The following GRK4 variants were observed in gnomAD, a reference collection of about 807,000 sequenced individuals.
The protein encoded by GRK4 is G protein-coupled receptor kinase 2-like.
A neutral mutation model predicts 77.9 loss-of-function variants in GRK4; 73 were observed. That is an observed-to-expected ratio of 0.94 (90% CI 0.78 to 1.14). The LOEUF (loss-of-function observed/expected upper bound fraction) is 1.14, where lower values mean the gene tolerates loss of function less well. Among genes scored for constraint, GRK4 ranks in the 50% most tolerant of loss-of-function variants. GRK4 has a pLI of 0.00. For missense variants in GRK4, 729 were observed against 700.2 expected (o/e 1.04, Z -0.46); for synonymous variants, 257 against 254.4 (o/e 1.01, Z -0.10).
intron 4 of GRK4, among the ~76,000 whole-genome samples, chr4:3,000,217 T>G (rs1170126747): frequency 1.3e-5 from 2 of 152,208 alleles, no homozygotes; most frequent in Admixed American, 6.5e-5. Context: ...CTTGCCATAC[T>G]TCAGGTCACC....
chr4:2,999,659 G>C (rs2109771005), intron 4 of GRK4, among the ~76,000 whole-genome samples: 1 of 152,124 alleles, frequency 6.6e-6, no homozygotes, highest in East Asian at 1.9e-4. Context: ...CTAAATATAA[G>C]AGCTAAAACT....
chr4:2,971,398 A>G (rs531533645), intron 1 of GRK4, among the ~76,000 whole-genome samples: 1 of 152,178 alleles, frequency 6.6e-6, no homozygotes, highest in East Asian at 1.9e-4. Flanking sequence ...TCAGCACCTC[A>G]TGAAGCCCTT....
intron 1 of GRK4, among the ~76,000 whole-genome samples, chr4:2,967,499 C>T (rs1718072083): frequency 6.6e-6 from 1 of 152,146 alleles, no homozygotes; most frequent in African/African-American, 2.4e-5. Flanking sequence ...CGCCTGGGTT[C>T]AAGTGATTCT....
In GRK4 at chr4:2,999,916, C is replaced by T. The variant is rs141477953; in HGVS notation, c.340-4315C>T. ...TCTAGTATCCAGAATATATAAATAA[C>T]TCTTACAATGCAACAATAAAAAGAT... is the stretch of plus-strand genomic sequence containing the variant. On this transcript the variant is annotated intron_variant, in intron 4 of 15. Transcript: ENST00000398052. 2.1e-3 allele frequency among the ~76,000 whole-genome samples: 314 copies of T among 152,190 alleles called. 10 individuals are homozygous for T. In the East Asian group the frequency reaches 0.057, roughly 27 times the overall value.
intron 10 of GRK4, 130 bp downstream of exon 10, chr4:3,022,581 G>A: frequency 3.8e-6 from 3 of 785,490 alleles, no homozygotes; most frequent in Non-Finnish European, 6.2e-6. Context: ...GAAAAACTCT[G>A]TGGTATGTGT....
intron 12 of GRK4, among the ~76,000 whole-genome samples, chr4:3,030,575 C>T (rs866362979): frequency 2.6e-5 from 4 of 152,100 alleles, no homozygotes; most frequent in Non-Finnish European, 4.4e-5. Flanking sequence ...AATGCATAGA[C>T]GTGTGGGCTG....
At chr4:2,965,433 A>C in intron 1 of GRK4, 1 of 703,086 alleles carries the variant, frequency 1.4e-6, no homozygotes, top group Non-Finnish European at 2.6e-6. Flanking sequence ...CGTCACTCTT[A>C]CGGAATTGCT....
At chr4:2,986,002 A>G (rs1265772756) in intron 2 of GRK4, among the ~76,000 whole-genome samples, 1 of 151,596 alleles carries the variant, frequency 6.6e-6, no homozygotes, top group South Asian at 2.1e-4. Context: ...AAAAAAAAAA[A>G]AAGAAGTCAG....
chr4:2,988,352 T>C (rs1440537097), intron 2 of GRK4, among the ~76,000 whole-genome samples: 3 of 152,200 alleles, frequency 2.0e-5, no homozygotes, highest in Admixed American at 6.6e-5. Flanking sequence ...TATGGGTCAT[T>C]TGTAAACTTT....
intron 13 of GRK4, 142 bp downstream of exon 13, chr4:3,035,665 C>G (rs1446040177): frequency 2.2e-6 from 2 of 898,200 alleles, no homozygotes; most frequent in East Asian, 5.3e-5. Context: ...CTCAAGTGGT[C>G]CTCCACCTTG....
chr4:2,983,334 G>C (rs1723366699), intron 1 of GRK4, among the ~76,000 whole-genome samples: 1 of 152,152 alleles, frequency 6.6e-6, no homozygotes, highest in Non-Finnish European at 1.5e-5. Flanking sequence ...TAGTCACCCA[G>C]CCTAAGCCAT....
chr4:2,991,472 A>G (rs1726150587), intron 3 of GRK4, among the ~76,000 whole-genome samples: 1 of 152,138 alleles, frequency 6.6e-6, no homozygotes, highest in Non-Finnish European at 1.5e-5. Context: ...TCTTCCATTA[A>G]TTGCATGCCA....
At chr4:3,008,664 C>T (rs558351537) in intron 6 of GRK4, among the ~76,000 whole-genome samples, 6 of 152,006 alleles carry the variant, frequency 3.9e-5, no homozygotes, top group African/African-American at 9.6e-5. Context: ...TAGCCAGGCA[C>T]GGTGGCATGC....
In GRK4 at chr4:3,019,821, A is replaced by C. The variant is rs1184503494; in HGVS notation, c.922A>C (p.Ile308Leu). 4 of 1,613,812 alleles carry C rather than the reference A, an allele frequency of 2.5e-6. No homozygotes were observed. The highest frequency in any genetic ancestry group is 1.7e-5 in the Admixed American group (1 of 59,994). The change falls in exon 9 of 16, where the codon ATT becomes CTT. Residue 308 changes from isoleucine to leucine, a missense_variant. Ile to Leu is a conservative substitution (Grantham distance 5). Transcript: ENST00000398052. ...CTTGGAAGATTTACAGAGGGAAAGAATTGTATACAGGTAAGAACGGTGCTA... is the reference window on the plus strand; with the variant it reads ...CTTGGAAGATTTACAGAGGGAAAGACTTGTATACAGGTAAGAACGGTGCTA... ...CGLEDLQRER[I>L]VYRDLKPENI...
chr4:2,976,699 G>A (rs977980463), intron 1 of GRK4, among the ~76,000 whole-genome samples: 1 of 144,610 alleles, frequency 6.9e-6, no homozygotes, highest in Non-Finnish European at 1.5e-5. Context: ...GGAGTGCAAC[G>A]GCATGATCCC....
intron 1 of GRK4, among the ~76,000 whole-genome samples, chr4:2,981,251 G>C (rs111361056): frequency 2.6e-5 from 4 of 152,222 alleles, no homozygotes; most frequent in African/African-American, 7.2e-5. Flanking sequence ...TGGTGAGTTG[G>C]GGGGTGTGCT....
chr4:3,014,819 A>G (rs978871999), intron 8 of GRK4, among the ~76,000 whole-genome samples: 71 of 151,636 alleles, frequency 4.7e-4, no homozygotes, highest in South Asian at 4.2e-4. Flanking sequence ...GAGAGATGAG[A>G]TCTCCCTATG....
At chr4:3,029,731 CAT>C (rs781044177) in intron 12 of GRK4, among the ~76,000 whole-genome samples, 100 of 152,098 alleles carry the variant, frequency 6.6e-4, no homozygotes, top group Middle Eastern at 3.4e-3. Context: ...AGGGAGGACA[CAT>C]GTGCTCAGGA....
Position 2,984,579 on chromosome 4 carries a change from G to T in GRK4, c.119G>T (p.Ser40Ile), listed in dbSNP as rs200613667. The change falls in exon 2 of 16, where the codon AGC becomes ATC. Residue 40 changes from serine (S) to isoleucine (I), a missense_variant. Coordinates refer to ENST00000398052, the MANE Select transcript of GRK4 (RefSeq NM_182982.3). Reference protein sequence around the residue: ...WKEILTLPPVSQCSELRHSIE... With the variant: ...WKEILTLPPVIQCSELRHSIE... Reference sequence around the variant, plus strand: ...GAGATACTGACACTGCCTCCTGTCAGCCAGTGCAGTGAGCTTAGACATTCC... The same window carrying T: ...GAGATACTGACACTGCCTCCTGTCATCCAGTGCAGTGAGCTTAGACATTCC... 9 of 1,612,278 alleles carry T rather than the reference G, an allele frequency of 5.6e-6. No homozygotes were observed. Among genetic ancestry groups the T allele is most frequent in the Middle Eastern group, 1.6e-4 (1 of 6,078 alleles).
Sources: gnomAD v4.1 joint callset for allele counts (sites outside exome capture counted in the v4.1 genomes callset) on GRCh38, gnomAD v4.1.1 for gene constraint, MANE v1.5 for transcripts, NCBI Gene and HGNC (gene_info 2026-07-23, HGNC 2026-07-21) for gene names.